The following ADAMTS2 variants were observed in gnomAD, a reference collection of about 807,000 sequenced individuals.
The protein encoded by ADAMTS2 is ADAM metallopeptidase with thrombospondin type 1 motif 2.
ADAMTS2 carries 50 observed loss-of-function variants against 123.0 expected under a neutral mutation model. The observed-to-expected ratio is 0.41, with a 90% confidence interval of 0.32 to 0.51. The LOEUF (loss-of-function observed/expected upper bound fraction) is 0.51. ADAMTS2 is among the 20% of genes least tolerant of loss of function. ADAMTS2 has a pLI of 0.35. For missense variants in ADAMTS2, 1,494 were observed against 1,705.2 expected (o/e 0.88, Z 2.18); for synonymous variants, 678 against 695.4 (o/e 0.98, Z 0.39).
rs983875550 is a variant in ADAMTS2 at position 179,202,901 on chromosome 5, G to A, written c.891+4612C>T. Among the ~76,000 whole-genome samples, 3 of 152,160 alleles carry A rather than the reference G, an allele frequency of 2.0e-5. No homozygotes were observed. The highest frequency in any genetic ancestry group is 2.0e-4 in the Admixed American group (3 of 15,282). On this transcript the variant is annotated intron_variant, in intron 4 of 21. Coordinates refer to ENST00000251582, the MANE Select transcript of ADAMTS2 (RefSeq NM_014244.5). The surrounding 1 kb of genome is among the most constrained non-coding windows in gnomAD (Gnocchi z 4.0). ...ACCCAGGTCACTTCCTTTCACACAG[G>A]CCACTAGGCAAAACTGGCCATGCAG... is the stretch of plus-strand genomic sequence containing the variant.
chr5:179,233,453 G>A (rs536990942), intron 3 of ADAMTS2, among the ~76,000 whole-genome samples: 117 of 152,292 alleles, frequency 7.7e-4, no homozygotes, highest in African/African-American at 2.1e-3. Flanking sequence ...GGCTGAGGGT[G>A]GGGGAGGGTG....
intron 15 of ADAMTS2, among the ~76,000 whole-genome samples, chr5:179,131,244 C>T (rs1409748108): frequency 2.3e-5 from 3 of 129,896 alleles, no homozygotes; most frequent in Non-Finnish European, 4.6e-5. Context: ...ACCCAGAAGG[C>T]GGAGGTTGCA....
At chr5:179,151,104 C>A in intron 10 of ADAMTS2, 1 of 375,310 alleles carries the variant, frequency 2.7e-6, no homozygotes, top group South Asian at 2.0e-5. Flanking sequence ...GCCATGTTAA[C>A]CAGACTTGTC....
Position 179,314,966 on chromosome 5 carries a change from C to G in ADAMTS2, c.534+28801G>C, listed in dbSNP as rs1361181626. ...CTCCCCTCCCAGAGCCTAATCACAG[C>G]CAGCTACGCCCCCTTCTCCCAGTTA... On this transcript the variant is annotated intron_variant, in intron 2 of 21. Coordinates refer to ENST00000251582, the MANE Select transcript of ADAMTS2 (RefSeq NM_014244.5). The surrounding 1 kb of genome is among the most constrained non-coding windows in gnomAD (Gnocchi z 4.5). Among the ~76,000 whole-genome samples the G allele has an allele frequency of 1.3e-5, 2 of 152,152 alleles. No homozygotes were observed. Among genetic ancestry groups the G allele is most frequent in the Non-Finnish European group, 2.9e-5 (2 of 68,026 alleles).
intron 4 of ADAMTS2, among the ~76,000 whole-genome samples, chr5:179,194,107 C>T (rs1185197015): frequency 6.6e-6 from 1 of 152,196 alleles, no homozygotes; most frequent in Non-Finnish European, 1.5e-5. Context: ...CATCAGTTCC[C>T]CGCGGGAGGC....
Position 179,189,522 on chromosome 5 carries a change from T to C in ADAMTS2, c.892-8367A>G, listed in dbSNP as rs932433441. Among the ~76,000 whole-genome samples the C allele has an allele frequency of 3.6e-5, 5 of 139,444 alleles. No homozygotes were observed. The highest frequency in any genetic ancestry group is 7.1e-5 in the Admixed American group (1 of 14,036). The allele number at this position is 139,444 out of a possible 152,430, so 91.5% of individuals were successfully genotyped here. ...GCCAGTGCGCCTGGTTTTTTTTTTT[T>C]TTTTTTTTTTTTTTTTAGTAGAGGC... On this transcript the variant is annotated intron_variant, in intron 4 of 21. Coordinates refer to ENST00000251582, the MANE Select transcript of ADAMTS2 (RefSeq NM_014244.5). The surrounding 1 kb of genome is among the most constrained non-coding windows in gnomAD (Gnocchi z 4.2).
chr5:179,181,019 GC>G lies in ADAMTS2; in HGVS notation c.975+52del. 2 of 1,397,746 alleles carry G rather than the reference GC, an allele frequency of 1.4e-6. No individual in the cohort carries two copies. The highest frequency in any genetic ancestry group is 2.0e-6 in the Non-Finnish European group (2 of 984,222). 86.6% of individuals were successfully genotyped at this position (1,397,746 alleles called of 1,614,324 possible). ...AAGGAGGCCCATGCCTCACTCCCAG[GC>G]CCCTCACTCCGAGGGGGTGGAGGCA... On this transcript the variant is annotated intron_variant, in intron 5 of 21. Coordinates refer to ENST00000251582, the MANE Select transcript of ADAMTS2 (RefSeq NM_014244.5). This position sits in a 1 kb window ranked among gnomAD's most constrained non-coding sequence, Gnocchi z 4.1.
chr5:179,153,742 C>A, intron 8 of ADAMTS2, 119 bp from the exon 9 acceptor site: 1 of 1,403,848 alleles, frequency 7.1e-7, no homozygotes, highest in Non-Finnish European at 9.6e-7. Context: ...CATCCCGGCC[C>A]CTGGCTGTGC....
In ADAMTS2 at chr5:179,154,720, G is replaced by A. The variant is rs1323607657; in HGVS notation, c.1238+94C>T. The A allele has an allele frequency of 1.7e-5, 18 of 1,050,792 alleles. No homozygotes were observed. The East Asian group carries it at 1.8e-4, about 11-fold the overall frequency. The allele number at this position is 1,050,792 out of a possible 1,614,324, so 65.1% of individuals were successfully genotyped here. On this transcript the variant is annotated intron_variant, in intron 7 of 21. Coordinates refer to ENST00000251582, the MANE Select transcript of ADAMTS2 (RefSeq NM_014244.5). ...ACCCCAAGTGGCTTTGACACAGGGC[G>A]TGTCCCTCTTAAGGCACAGAGGAGA...
At chr5:179,195,211 C>A (rs1764397900) in intron 4 of ADAMTS2, among the ~76,000 whole-genome samples, 1 of 152,218 alleles carries the variant, frequency 6.6e-6, no homozygotes. Flanking sequence ...CCGAACATGA[C>A]TGAGGACAGC....
In ADAMTS2 at chr5:179,343,931, G is replaced by A. The variant is rs760256504; in HGVS notation, c.370C>T (p.Leu124=). 5 of 1,609,740 alleles carry A rather than the reference G, an allele frequency of 3.1e-6. No individual in the cohort carries two copies. The African/African-American group carries it at 6.7e-5, about 21-fold the overall frequency. Residue 124 remains leucine, a synonymous_variant, in exon 2 of 22, where the codon CTG becomes TTG. Transcript: ENST00000251582. ...GCCACGAGGCGGGCGTTGGGCCGCAGCCGCAGGTGCAGGTCTCGGCCAAAG... is the reference window on the plus strand; with the variant it reads ...GCCACGAGGCGGGCGTTGGGCCGCAACCGCAGGTGCAGGTCTCGGCCAAAG... ...TVFGRDLHLR[L]RPNARLVAPG...
At position 179,140,034 on chromosome 5, in the gene ADAMTS2, T is replaced by G; in HGVS notation, c.1631A>C (p.His544Pro). The change falls in exon 11 of 22, where the codon CAT becomes CCT. Residue 544 changes from histidine to proline, a missense_variant and splice_region_variant. Around this residue, in one of 6 missense-constraint regions of ADAMTS2, gnomAD observed 953 missense variants for 1,124.7 expected, o/e 0.85. Transcript: ENST00000251582. The stretch of plus-strand genomic sequence containing the variant: ...CCAGATGCAGTGTCCTTTAAAACAA[T>G]GCTGAAAGACAGGAAGCCAGTCCCT... ...LDGTMCAPGK[H>P]CFKGHCIWLT... 1.2e-6 allele frequency: 2 copies of G among 1,613,960 alleles called. No individual in the cohort carries two copies. Among genetic ancestry groups the G allele is most frequent in the South Asian group, 1.1e-5 (1 of 91,082 alleles).
At chr5:179,119,620 G>A (rs888486424) in intron 21 of ADAMTS2, among the ~76,000 whole-genome samples, 4 of 152,184 alleles carry the variant, frequency 2.6e-5, no homozygotes, top group African/African-American at 9.6e-5. Context: ...CCACTGCCCT[G>A]CCCCTCTCCC....
intron 3 of ADAMTS2, among the ~76,000 whole-genome samples, chr5:179,240,794 G>A (rs755485599): frequency 3.9e-5 from 6 of 152,144 alleles, no homozygotes; most frequent in South Asian, 2.1e-4. Context: ...ACCCTGATAC[G>A]CGATGCCAAT....
chr5:179,317,142 G>GC lies in ADAMTS2; in HGVS notation c.534+26624dup, dbSNP rs775202674. Among the ~76,000 whole-genome samples, 3 of 152,100 alleles carry GC rather than the reference G, an allele frequency of 2.0e-5. No homozygotes were observed. The highest frequency in any genetic ancestry group is 4.4e-5 in the Non-Finnish European group (3 of 67,996). ...ACCCCACGTGGCCTGGGTCCCCACAGCCTCCAGCCCTCCTGTCACTCTGCC... is the reference window on the plus strand; with the variant it reads ...ACCCCACGTGGCCTGGGTCCCCACAGCCCTCCAGCCCTCCTGTCACTCTGCC... On this transcript the variant is annotated intron_variant, in intron 2 of 21. Coordinates refer to ENST00000251582, the MANE Select transcript of ADAMTS2 (RefSeq NM_014244.5). The surrounding 1 kb of genome is among the most constrained non-coding windows in gnomAD (Gnocchi z 4.9).
At chr5:179,133,863 C>CA (rs2113208289) in intron 13 of ADAMTS2, among the ~76,000 whole-genome samples, 1 of 148,452 alleles carries the variant, frequency 6.7e-6, no homozygotes, top group South Asian at 2.1e-4. Flanking sequence ...CCTGTAGTCC[C>CA]AGCTAATTTT....
At chr5:179,164,433 G>A (rs1211998105) in intron 5 of ADAMTS2, among the ~76,000 whole-genome samples, 3 of 152,204 alleles carry the variant, frequency 2.0e-5, no homozygotes, top group Non-Finnish European at 2.9e-5. Context: ...CGTCAGGAGG[G>A]TCAGGACCTG....
At chr5:179,178,928 T>C (rs1488744012) in intron 5 of ADAMTS2, among the ~76,000 whole-genome samples, 2 of 152,228 alleles carry the variant, frequency 1.3e-5, no homozygotes, top group African/African-American at 4.8e-5. Flanking sequence ...CTTGTTTTTA[T>C]TAGTGTTCCA....
intron 2 of ADAMTS2, among the ~76,000 whole-genome samples, chr5:179,286,216 CAAAAAAAAAAA>C: frequency 3.0e-5 from 2 of 66,082 alleles, no homozygotes; most frequent in East Asian, 4.4e-4. Context: ...ACTCTTGTCT[CAAAAAAAAAAA>C]AAAAAAAAAA....
Sources: gnomAD v4.1 joint callset for allele counts (sites outside exome capture counted in the v4.1 genomes callset) on GRCh38, gnomAD v4.1.1 for gene constraint, gnomAD v4.1.1 regional missense constraint, Gnocchi (gnomAD v3.1) non-coding constraint, MANE v1.5 for transcripts, NCBI Gene and HGNC (gene_info 2026-07-23, HGNC 2026-07-21) for gene names.